The following SEMA4D variants were observed in gnomAD, a reference collection of about 807,000 sequenced individuals.
The protein encoded by SEMA4D is semaphorin 4D.
A neutral mutation model predicts 74.8 loss-of-function variants in SEMA4D; 22 were observed. The observed-to-expected ratio is 0.29, with a 90% CI of 0.21 to 0.42. The LOEUF (loss-of-function observed/expected upper bound fraction) is 0.42, where lower values mean the gene tolerates loss of function less well. Among genes scored for constraint, SEMA4D ranks in the 10% least tolerant of loss-of-function variants. The probability of loss-of-function intolerance (pLI) is 1.00; values close to 1 mark genes in which losing one functional copy is unlikely to be tolerated. For synonymous variants in SEMA4D, 445 were observed against 463.7 expected, an observed-to-expected ratio of 0.96 and a Z score of 0.52; for missense variants, 937 against 1,118.4, an observed-to-expected ratio of 0.84 and a Z score of 2.31.
chr9:89,405,380 G>A lies in SEMA4D; in HGVS notation c.77C>T (p.Pro26Leu). 3.1e-6 allele frequency: 5 copies of A among 1,614,100 alleles called. No individual in the cohort carries two copies. Among genetic ancestry groups the A allele is most frequent in the Non-Finnish European group, 4.2e-6 (5 of 1,179,958 alleles). The change falls in exon 3 of 16, where the codon CCC (proline) becomes CTC (leucine). Residue 26 changes from proline (P) to leucine (L), a missense_variant. By Grantham distance (98) the Pro-to-Leu change is moderately conservative. Coordinates refer to ENST00000422704, the MANE Select transcript of SEMA4D (RefSeq NM_001371194.2). ...GTGCTCCCAGGTGATCCGGGGTATGGGTGCAAATGCCATCGCTGTCCCAAA... is the reference window on the plus strand; with the variant it reads ...GTGCTCCCAGGTGATCCGGGGTATGAGTGCAAATGCCATCGCTGTCCCAAA... ...VMFGTAMAFA[P>L]IPRITWEHRE...
intron 1 of SEMA4D, among the ~76,000 whole-genome samples, chr9:89,474,344 A>T (rs1183219906): frequency 6.6e-6 from 1 of 150,672 alleles, no homozygotes; most frequent in Non-Finnish European, 1.5e-5. Flanking sequence ...AGCAATCACC[A>T]GCATTCGAAT....
intron 9 of SEMA4D, 57 bp downstream of exon 9, chr9:89,391,207 C>G (rs1839793912): frequency 6.4e-7 from 1 of 1,571,802 alleles, no homozygotes; most frequent in East Asian, 2.3e-5. Context: ...CACCCATCAT[C>G]CAGGCACACT....
At chr9:89,376,721 T>G, downstream of SEMA4D, 1 of 1,397,544 alleles carries the variant, frequency 7.2e-7, no homozygotes, top group Non-Finnish European at 9.6e-7. Context: ...CCAGGACAGA[T>G]AAGGAAGGTA....
chr9:89,385,462 A>T, intron 13 of SEMA4D: 2 of 985,328 alleles, frequency 2.0e-6, no homozygotes, highest in Non-Finnish European at 2.4e-6. Flanking sequence ...TCGACCCTTC[A>T]AATCTCCAGG....
chr9:89,438,511 C>A (rs1346299232), intron 2 of SEMA4D, among the ~76,000 whole-genome samples: 1 of 152,202 alleles, frequency 6.6e-6, no homozygotes, highest in African/African-American at 2.4e-5. Flanking sequence ...CAGTACATCA[C>A]GGGCTGAAAG....
intron 13 of SEMA4D, chr9:89,385,866 GCC>G: frequency 3.6e-5 from 7 of 196,226 alleles, no homozygotes; most frequent in South Asian, 1.8e-4. Context: ...CAGCGTGGAT[GCC>G]CGCCCACCCA....
At chr9:89,371,916 G>C (rs1419690494) in intron 16 of SEMA4D, among the ~76,000 whole-genome samples, 8 of 32,394 alleles carry the variant, frequency 2.5e-4, no homozygotes, top group South Asian at 9.3e-4. Flanking sequence ...TGTGTGGTGT[G>C]TGGGGTGTGG....
intron 2 of SEMA4D, among the ~76,000 whole-genome samples, chr9:89,431,895 C>A (rs138478525): frequency 6.6e-4 from 100 of 152,326 alleles, no homozygotes; most frequent in African/African-American, 2.4e-3. Context: ...GTTCCCAGCC[C>A]CTCCCTTGGC....
chr9:89,380,046 T>G (rs913441411), intron 15 of SEMA4D, among the ~76,000 whole-genome samples: 1 of 152,178 alleles, frequency 6.6e-6, no homozygotes, highest in Non-Finnish European at 1.5e-5. Flanking sequence ...TTTTTTCTTT[T>G]TTTTGAAACA....
chr9:89,389,933 G>A (rs988807590), intron 9 of SEMA4D, among the ~76,000 whole-genome samples: 4 of 152,284 alleles, frequency 2.6e-5, no homozygotes, highest in African/African-American at 4.8e-5. Context: ...GTGTGCCTGC[G>A]TGGTAGGCAG....
intron 2 of SEMA4D, among the ~76,000 whole-genome samples, chr9:89,427,553 G>A (rs1202187029): frequency 6.6e-6 from 1 of 152,148 alleles, no homozygotes; most frequent in East Asian, 1.9e-4. Flanking sequence ...ACCCAAATGG[G>A]AACAGATCTC....
rs139766987 is a variant in SEMA4D, at chr9:89,384,288, C to T, written c.1446+2079G>A. The stretch of plus-strand genomic sequence containing the variant: ...CACAAAATGCGGGACTCACAAAATG[C>T]GGTATTCACATACGACAGAGGAGTA... On this transcript the variant is annotated intron_variant, in intron 13 of 15. Transcript: ENST00000422704. Among the ~76,000 whole-genome samples the T allele has an allele frequency of 1.6e-3, 243 of 152,314 alleles. 1 individual carries two copies. The highest frequency in any genetic ancestry group is 6.8e-3 in the Middle Eastern group (2 of 294).
chr9:89,379,760 A>G (rs912785131), intron 15 of SEMA4D, 131 bp from the exon 16 acceptor site: 6 of 1,103,132 alleles, frequency 5.4e-6, no homozygotes, highest in East Asian at 2.5e-5. Context: ...CAGAACAACT[A>G]AGGAGATAAA....
At chr9:89,495,044 G>A (rs11788442) in intron 1 of SEMA4D, among the ~76,000 whole-genome samples, 6,044 of 152,202 alleles carry the variant, frequency 0.04, 172 homozygotes, top group Middle Eastern at 0.12. Flanking sequence ...AGAAATCTTG[G>A]GGTGCCACTT....
chr9:89,467,077 CTTG>C (rs1405850078), intron 1 of SEMA4D, among the ~76,000 whole-genome samples: 1 of 152,220 alleles, frequency 6.6e-6, no homozygotes, highest in Non-Finnish European at 1.5e-5. Context: ...GGTTGTCCCC[CTTG>C]TTGTTCAGGC....
At chr9:89,405,839 G>C (rs533495012) in intron 2 of SEMA4D, 140 bp from the exon 3 acceptor site, 121 of 1,288,812 alleles carry the variant, frequency 9.4e-5, no homozygotes, top group Non-Finnish European at 1.2e-4. Context: ...GGGGGACAAA[G>C]AGAGTCTTAG....
intron 2 of SEMA4D, among the ~76,000 whole-genome samples, chr9:89,407,988 G>C (rs1251694942): frequency 6.6e-6 from 1 of 152,240 alleles, no homozygotes; most frequent in East Asian, 1.9e-4. Flanking sequence ...TCCCAAACCA[G>C]TAATGGTTTC....
Position 89,378,782 on chromosome 9 carries a change from G to A in SEMA4D, c.2511C>T (p.Asp837=), listed in dbSNP as rs147249857. 1.7e-4 allele frequency: 281 copies of A among 1,614,206 alleles called. No homozygotes were observed. Among genetic ancestry groups the A allele is most frequent in the Non-Finnish European group, 1.3e-4 (148 of 1,180,048 alleles). The change falls in exon 16 of 16, where the codon GAC becomes GAT. Residue 837 remains aspartate, a synonymous_variant. Transcript: ENST00000422704. The stretch of plus-strand genomic sequence containing the variant: ...AGGGCTTGTCCCTGGCAGAAAGGTC[G>A]TCGATCCTCTGTGAGTCCTCCCTAT... ...PTDREDSQRI[D]DLSARDKPFD...
At chr9:89,480,716 G>C (rs1056144805) in intron 1 of SEMA4D, among the ~76,000 whole-genome samples, 9 of 152,200 alleles carry the variant, frequency 5.9e-5, no homozygotes, top group Admixed American at 2.6e-4. Flanking sequence ...CTCCGAGTGC[G>C]GGGCCCACCA....
Sources: gnomAD v4.1 joint callset for allele counts (sites outside exome capture counted in the v4.1 genomes callset) on GRCh38, gnomAD v4.1.1 for gene constraint, MANE v1.5 for transcripts, NCBI Gene and HGNC (gene_info 2026-07-23, HGNC 2026-07-21) for gene names.